The following EFCAB5 variants were observed in gnomAD, a reference collection of about 807,000 sequenced individuals.
EFCAB5 encodes the protein EF-hand calcium binding domain 5, also known as EF-hand calcium-binding domain-containing protein 5.
EFCAB5 carries 131 observed loss-of-function variants against 167.9 expected under a neutral mutation model. The ratio of observed to expected loss-of-function variants is 0.78; its 90% CI spans 0.68 to 0.90. The LOEUF (loss-of-function observed/expected upper bound fraction) is 0.90. EFCAB5 is among the 40% of genes least tolerant of loss of function. EFCAB5 has a pLI of 0.00. For synonymous variants in EFCAB5, 574 were observed against 602.8 expected (o/e 0.95, Z 0.70); for missense variants, 1,663 against 1,745.2 (o/e 0.95, Z 0.84).
intron 22 of EFCAB5, among the ~76,000 whole-genome samples, chr17:30,102,368 T>C (rs575693418): frequency 6.6e-6 from 1 of 152,192 alleles, no homozygotes; most frequent in East Asian, 1.9e-4. Context: ...TCTTCTTTTA[T>C]TAATTAATTA....
At chr17:29,943,316 A>G (rs1346972120) in intron 2 of EFCAB5, among the ~76,000 whole-genome samples, 2 of 152,174 alleles carry the variant, frequency 1.3e-5, no homozygotes, top group Non-Finnish European at 1.5e-5. Flanking sequence ...TTCCTAGCAT[A>G]TTACTTTGTT....
intron 14 of EFCAB5, chr17:30,073,589 A>G (rs1311360761): frequency 1.7e-5 from 11 of 665,996 alleles, no homozygotes; most frequent in South Asian, 9.9e-5. Flanking sequence ...CTCAGCATGC[A>G]TATCATTCAT....
At chr17:29,990,500 C>G (rs1448278388) in intron 4 of EFCAB5, among the ~76,000 whole-genome samples, 1 of 152,158 alleles carries the variant, frequency 6.6e-6, no homozygotes, top group Non-Finnish European at 1.5e-5. Context: ...CCATTGTAAT[C>G]TGAATCAATG....
chr17:29,978,099 G>A (rs2068098327), intron 4 of EFCAB5, among the ~76,000 whole-genome samples: 1 of 152,120 alleles, frequency 6.6e-6, no homozygotes, highest in African/African-American at 2.4e-5. Flanking sequence ...GGAGACAGTG[G>A]CTTCCTAGAC....
At chr17:29,933,295 T>C (rs548126943) in intron 1 of EFCAB5, among the ~76,000 whole-genome samples, 112 of 152,336 alleles carry the variant, frequency 7.4e-4, no homozygotes, top group Non-Finnish European at 1.3e-3. Flanking sequence ...TTTATGATAT[T>C]GGCTTTCAGG....
At chr17:29,940,737 T>C (rs114463496), upstream of EFCAB5, among the ~76,000 whole-genome samples, 1,046 of 152,188 alleles carry the variant, frequency 6.9e-3, 8 homozygotes, top group African/African-American at 0.021. Context: ...ATGTGTTATG[T>C]TGATAAAAAG....
chr17:30,067,872 A>G (rs2070617640), intron 14 of EFCAB5, among the ~76,000 whole-genome samples: 1 of 152,244 alleles, frequency 6.6e-6, no homozygotes, highest in Non-Finnish European at 1.5e-5. Context: ...AGGGCATCCA[A>G]ATTGGAAAAG....
intron 7 of EFCAB5, among the ~76,000 whole-genome samples, chr17:30,023,911 A>G (rs1252763290): frequency 1.3e-5 from 2 of 152,226 alleles, no homozygotes; most frequent in Non-Finnish European, 2.9e-5. Flanking sequence ...CAGCATATAA[A>G]CAGAACTGAA....
intron 22 of EFCAB5, among the ~76,000 whole-genome samples, chr17:30,101,561 G>A (rs552721682): frequency 6.6e-6 from 1 of 152,278 alleles, no homozygotes; most frequent in East Asian, 1.9e-4. Flanking sequence ...CTATGTAGAT[G>A]GTTAAATAAA....
intron 8 of EFCAB5, among the ~76,000 whole-genome samples, chr17:30,040,989 C>G (rs866500737): frequency 6.6e-6 from 1 of 152,174 alleles, no homozygotes. Context: ...ATTAGCAAAT[C>G]GGGTATCAGT....
chr17:30,069,784 A>G (rs1319558574), intron 14 of EFCAB5, among the ~76,000 whole-genome samples: 4 of 152,246 alleles, frequency 2.6e-5, no homozygotes, highest in Non-Finnish European at 1.5e-5. Flanking sequence ...AAAGGGGTTC[A>G]GACAGACGGA....
At chr17:29,934,362 C>T (rs1329094699) in intron 1 of EFCAB5, among the ~76,000 whole-genome samples, 1 of 152,140 alleles carries the variant, frequency 6.6e-6, no homozygotes, top group African/African-American at 2.4e-5. Flanking sequence ...GGAATTTCCC[C>T]ATCTACCCAA....
At chr17:30,016,291 T>C (rs2069041248) in intron 7 of EFCAB5, among the ~76,000 whole-genome samples, 1 of 152,190 alleles carries the variant, frequency 6.6e-6, no homozygotes, top group Admixed American at 6.5e-5. Flanking sequence ...TTGATTTTGC[T>C]TTTGATGTCA....
intron 3 of EFCAB5, among the ~76,000 whole-genome samples, chr17:29,961,048 C>CT (rs2067711052): frequency 6.6e-6 from 1 of 152,164 alleles, no homozygotes; most frequent in Non-Finnish European, 1.5e-5. Context: ...AGCTGCATCA[C>CT]TTTGCATTCC....
intron 3 of EFCAB5, among the ~76,000 whole-genome samples, chr17:29,967,350 C>G (rs755590901): frequency 1.3e-5 from 2 of 152,356 alleles, no homozygotes; most frequent in African/African-American, 2.4e-5. Context: ...GTGTGGAAAT[C>G]TTGCTTCTCT....
chr17:30,001,267 C>T (rs1348143441), intron 7 of EFCAB5, among the ~76,000 whole-genome samples: 1 of 152,144 alleles, frequency 6.6e-6, no homozygotes, highest in Non-Finnish European at 1.5e-5. Flanking sequence ...TAAAATTCCA[C>T]AGATACAAAT....
chr17:30,084,794 C>T (rs2071055294), intron 18 of EFCAB5, among the ~76,000 whole-genome samples: 1 of 152,134 alleles, frequency 6.6e-6, no homozygotes, highest in Non-Finnish European at 1.5e-5. Context: ...TTGCATTTGT[C>T]CAATGACAGC....
At chr17:30,060,959 A>G (rs1420017403) in intron 14 of EFCAB5, among the ~76,000 whole-genome samples, 2 of 152,220 alleles carry the variant, frequency 1.3e-5, no homozygotes, top group Admixed American at 6.5e-5. Context: ...AAGGCTTTAG[A>G]TATGAAGAAT....
At chr17:30,065,959 T>C (rs565521778) in intron 14 of EFCAB5, among the ~76,000 whole-genome samples, 1 of 152,340 alleles carries the variant, frequency 6.6e-6, no homozygotes, top group Admixed American at 6.5e-5. Flanking sequence ...AAAGCAAATA[T>C]TGTTAGATCT....
Sources: gnomAD v4.1 joint callset for allele counts (sites outside exome capture counted in the v4.1 genomes callset) on GRCh38, gnomAD v4.1.1 for gene constraint, MANE v1.5 for transcripts, NCBI Gene and HGNC (gene_info 2026-07-23, HGNC 2026-07-21) for gene names.